Variants in ADGRD1 observed in about 807,000 individuals in gnomAD.
The protein encoded by ADGRD1 is adhesion G protein-coupled receptor D1.
A neutral mutation model predicts 113.4 loss-of-function variants in ADGRD1; 77 were observed. The observed-to-expected ratio is 0.68, with a 90% CI of 0.57 to 0.82. The LOEUF is 0.82. Ranked by LOEUF, ADGRD1 falls within the 40% of genes least tolerant of loss-of-function variation. The pLI, the probability that ADGRD1 is intolerant of heterozygous loss-of-function variation, is 0.00. For missense variants in ADGRD1, 1,036 were observed against 1,139.1 expected, an observed-to-expected ratio of 0.91 and a Z score of 1.30; for synonymous variants, 474 against 475.0, an observed-to-expected ratio of 1.00 and a Z score of 0.03.
chr12:130,996,735 G>A (rs1221987227), intron 8 of ADGRD1, among the ~76,000 whole-genome samples: 1 of 99,178 alleles, frequency 1.0e-5, no homozygotes. Context: ...TCCCGGACGG[G>A]GTGGCTGGCC....
intron 20 of ADGRD1, among the ~76,000 whole-genome samples, chr12:131,131,457 A>G (rs951481851): frequency 6.6e-6 from 1 of 152,216 alleles, no homozygotes; most frequent in African/African-American, 2.4e-5. Flanking sequence ...GCCCAGGCTC[A>G]TGCCCTCATG....
Position 131,057,295 on chromosome 12 carries a change from ATGTGT to A in ADGRD1, c.1474-19503_1474-19499del, listed in dbSNP as rs1252029986. 6.6e-6 allele frequency among the ~76,000 whole-genome samples: 1 copy of A among 152,136 alleles called. No individual in the cohort carries two copies. Among genetic ancestry groups the A allele is most frequent in the African/African-American group, 2.4e-5 (1 of 41,446 alleles). On this transcript the variant is annotated intron_variant, in intron 13 of 24. Transcript: ENST00000261654. This position sits in a 1 kb window ranked among gnomAD's most constrained non-coding sequence, Gnocchi z 4.2. ...GGTTGGATGGCATCAGTGGTTCCTA[ATGTGT>A]TGAGACACGCCGCGGACCAGAGAAT...
rs368678019 is a variant in ADGRD1 at position 131,136,192 on chromosome 12, C to T, written c.2394+29C>T. 493 of 1,610,636 alleles carry T rather than the reference C, an allele frequency of 3.1e-4. 2 individuals are homozygous for T. In the African/African-American group the frequency reaches 5.4e-3, roughly 18 times the overall value. The stretch of plus-strand genomic sequence containing the variant: ...AGAGCCGCGGGGACTGGCGGGGAGG[C>T]AGGGCCGCCAGCCATCAGGAGCAGG... On this transcript the variant is annotated intron_variant, in intron 22 of 24. Transcript: ENST00000261654.
intron 14 of ADGRD1, among the ~76,000 whole-genome samples, chr12:131,083,310 A>T (rs866369434): frequency 3.9e-5 from 6 of 152,034 alleles, no homozygotes; most frequent in Non-Finnish European, 4.4e-5. Context: ...TTTAATTTGA[A>T]AATATAGAAG....
intron 12 of ADGRD1, among the ~76,000 whole-genome samples, chr12:131,008,532 C>T (rs193078833): frequency 6.6e-6 from 1 of 152,214 alleles, no homozygotes; most frequent in Non-Finnish European, 1.5e-5. Flanking sequence ...GAACTTTTGT[C>T]TCCACAGCCA....
intron 13 of ADGRD1, among the ~76,000 whole-genome samples, chr12:131,031,084 A>C (rs1417350145): frequency 6.6e-6 from 1 of 151,910 alleles, no homozygotes; most frequent in East Asian, 1.9e-4. Context: ...CCTCATCCCA[A>C]CTCACCACAC....
At chr12:131,014,805 C>T (rs999204795) in intron 13 of ADGRD1, among the ~76,000 whole-genome samples, 2 of 152,228 alleles carry the variant, frequency 1.3e-5, no homozygotes, top group Non-Finnish European at 2.9e-5. Context: ...CCTGATGCTT[C>T]ATAACCGCTC....
chr12:131,000,576 A>G, intron 9 of ADGRD1, 134 bp downstream of exon 9: 1 of 603,388 alleles, frequency 1.7e-6, no homozygotes, highest in Non-Finnish European at 3.0e-6. Context: ...CCCCATCTCT[A>G]CTAAAAATAC....
intron 20 of ADGRD1, among the ~76,000 whole-genome samples, chr12:131,126,052 T>TA (rs1950731456): frequency 6.6e-6 from 1 of 152,234 alleles, no homozygotes; most frequent in Admixed American, 6.5e-5. Context: ...GATACATAGA[T>TA]ACGGATACCT....
chr12:131,019,769 G>C (rs954740444), intron 13 of ADGRD1, among the ~76,000 whole-genome samples: 3 of 152,082 alleles, frequency 2.0e-5, no homozygotes, highest in African/African-American at 4.8e-5. Context: ...GTGTTCCAGG[G>C]AGATGCTCCA....
intron 13 of ADGRD1, among the ~76,000 whole-genome samples, chr12:131,017,557 CCA>C (rs1363701346): frequency 4.4e-5 from 6 of 136,166 alleles, no homozygotes; most frequent in Admixed American, 7.2e-5. Context: ...CACACTCACT[CCA>C]CACACTCAGT....
At chr12:131,080,463 T>G (rs1359642121) in intron 14 of ADGRD1, among the ~76,000 whole-genome samples, 1 of 152,244 alleles carries the variant, frequency 6.6e-6, no homozygotes, top group Admixed American at 6.5e-5. Context: ...GAGTGTTCTA[T>G]AAATGTCAAT....
At chr12:131,136,887 C>T in intron 22 of ADGRD1, 86 bp from the exon 23 acceptor site, 1 of 1,118,140 alleles carries the variant, frequency 8.9e-7, no homozygotes. Flanking sequence ...GCCAGTGCCA[C>T]TCCCAGGCTG....
At chr12:131,054,841 C>T (rs1017679993) in intron 13 of ADGRD1, among the ~76,000 whole-genome samples, 9 of 152,212 alleles carry the variant, frequency 5.9e-5, no homozygotes, top group Admixed American at 2.0e-4. Flanking sequence ...CTCGCTTCTG[C>T]GCTGTTTCCT....
intron 2 of ADGRD1, among the ~76,000 whole-genome samples, chr12:130,963,750 C>A (rs1037584300): frequency 1.3e-5 from 2 of 152,264 alleles, no homozygotes; most frequent in Middle Eastern, 3.4e-3. Flanking sequence ...CTACAACAAA[C>A]AAGCCTTGCA....
In ADGRD1 at chr12:131,003,044, A is replaced by G; in HGVS notation, c.1027-141A>G. 4 of 768,124 alleles carry G rather than the reference A, an allele frequency of 5.2e-6. No homozygotes were observed. The highest frequency in any genetic ancestry group is 9.1e-6 in the Non-Finnish European group (4 of 440,038). 47.6% of individuals were successfully genotyped at this position (768,124 alleles called of 1,614,324 possible). On this transcript the variant is annotated intron_variant, in intron 9 of 24. Transcript: ENST00000261654. This position sits in a 1 kb window ranked among gnomAD's most constrained non-coding sequence, Gnocchi z 4.8. ...CCTCCGTGTGGTCCCCTCCTGATCC[A>G]TGGGAAGGGGCAGTTGTGTGACTTC... is the stretch of plus-strand genomic sequence containing the variant.
chr12:131,083,865 G>A (rs1886253505), intron 14 of ADGRD1, among the ~76,000 whole-genome samples: 1 of 152,152 alleles, frequency 6.6e-6, no homozygotes, highest in African/African-American at 2.4e-5. Flanking sequence ...CCTGTCTCTG[G>A]CGGTAACACC....
chr12:131,103,752 G>A (rs1409311333), intron 15 of ADGRD1, among the ~76,000 whole-genome samples: 8 of 152,196 alleles, frequency 5.3e-5, no homozygotes, highest in Admixed American at 2.6e-4. Flanking sequence ...CAGGCGTCTC[G>A]GAGGACGGGG....
chr12:131,138,090 G>T (rs375275544), intron 23 of ADGRD1, 47 bp from the exon 24 acceptor site: 1 of 1,503,770 alleles, frequency 6.6e-7, no homozygotes, highest in African/African-American at 1.4e-5. Context: ...GGTTACGGCT[G>T]TTGCAGCCTC....
Sources: gnomAD v4.1 joint callset for allele counts (sites outside exome capture counted in the v4.1 genomes callset) on GRCh38, gnomAD v4.1.1 for gene constraint, Gnocchi (gnomAD v3.1) non-coding constraint, MANE v1.5 for transcripts, NCBI Gene and HGNC (gene_info 2026-07-23, HGNC 2026-07-21) for gene names.